The following TBR1 variants were observed in gnomAD, a reference collection of about 807,000 sequenced individuals.
TBR1 encodes T-box brain transcription factor 1.
A neutral mutation model predicts 60.3 loss-of-function variants in TBR1; 7 were observed. The observed-to-expected ratio is 0.12, with a 90% CI of 0.07 to 0.22. The LOEUF is 0.22. Ranked by LOEUF, TBR1 falls within the 10% of genes least tolerant of loss-of-function variation. The probability of loss-of-function intolerance (pLI) is 1.00; values close to 1 mark genes in which losing one functional copy is unlikely to be tolerated. For missense variants in TBR1, 616 were observed against 936.8 expected (o/e 0.66, Z 4.47); for synonymous variants, 417 against 409.9 (o/e 1.02, Z -0.21).
chr2:161,418,023 C>G (rs1008279218), intron 2 of TBR1, 178 bp from the exon 3 acceptor site: 1 of 1,453,146 alleles, frequency 6.9e-7, no homozygotes, highest in East Asian at 2.5e-5. Flanking sequence ...TTAATCACCC[C>G]CAGTTAATAG....
At position 161,423,725 on chromosome 2, in the gene TBR1, A is replaced by C. The variant is rs1253775574; in HGVS notation, c.1547A>C (p.Tyr516Ser). 1 of 1,523,384 alleles carries C rather than the reference A, an allele frequency of 6.6e-7. No homozygotes were observed. 94.4% of individuals were successfully genotyped at this position (1,523,384 alleles called of 1,614,324 possible). Residue 516 changes from tyrosine to serine, a missense_variant, in exon 6 of 6, where the codon TAC becomes TCC. By Grantham distance (144) the Tyr-to-Ser change is moderately radical (BLOSUM62 -2). Around this residue, in one of 8 missense-constraint regions of TBR1, gnomAD observed 210 missense variants for 297.4 expected, o/e 0.71. Transcript: ENST00000389554. ...FAGNAATLLS[Y>S]AAAGVKALPL... ...GGCAACGCGGCCACGCTGCTCTCTT[A>C]CGCGGCGGCGGGCGTGAAGGCGCTG...
chr2:161,424,321 C>G lies in TBR1; in HGVS notation c.*94C>G. The G allele has an allele frequency of 7.5e-7, 1 of 1,324,766 alleles. No individual in the cohort carries two copies. Among genetic ancestry groups the G allele is most frequent in the Non-Finnish European group, 1.0e-6 (1 of 979,440 alleles). 82.1% of individuals were successfully genotyped at this position (1,324,766 alleles called of 1,614,324 possible). A position where few individuals can be genotyped will look rare whatever the true frequency, so the allele number is the denominator to read the frequency against. Reference sequence around the variant, plus strand: ...CTCCGCCTCCCCACACTCCTCCTTGCGCACCCACTCATTTTATTTGACCCT... The same window carrying G: ...CTCCGCCTCCCCACACTCCTCCTTGGGCACCCACTCATTTTATTTGACCCT... On this transcript the variant is annotated 3_prime_UTR_variant, in exon 6 of 6. Coordinates refer to ENST00000389554, the MANE Select transcript of TBR1 (RefSeq NM_006593.4). This position sits in a 1 kb window ranked among gnomAD's most constrained non-coding sequence, Gnocchi z 4.4.
At chr2:161,423,182 T>G in intron 5 of TBR1, 187 bp from the exon 6 acceptor site, 2 of 447,860 alleles carry the variant, frequency 4.5e-6, no homozygotes, top group Non-Finnish European at 7.7e-6. Context: ...TTCCGTGATT[T>G]ATTTTGGGAA....
chr2:161,418,338 G>A lies in TBR1; in HGVS notation c.969+16G>A, dbSNP rs1290350035. On this transcript the variant is annotated intron_variant, in intron 3 of 5. Coordinates refer to ENST00000389554, the MANE Select transcript of TBR1 (RefSeq NM_006593.4). ...CAATGGGCAGGTCAGTGGCTCAAGCGCTCGTGTTTTCTCTCTCTCTCACCC... is the reference window on the plus strand; with the variant it reads ...CAATGGGCAGGTCAGTGGCTCAAGCACTCGTGTTTTCTCTCTCTCTCACCC... 3 of 1,609,476 alleles carry A rather than the reference G, an allele frequency of 1.9e-6. No individual in the cohort carries two copies. The highest frequency in any genetic ancestry group is 1.3e-5 in the African/African-American group (1 of 74,736).
In TBR1 at chr2:161,424,449, T is replaced by C. The variant is rs1269741947; in HGVS notation, c.*222T>C. On this transcript the variant is annotated 3_prime_UTR_variant, in exon 6 of 6. Transcript: ENST00000389554. The surrounding 1 kb of genome is among the most constrained non-coding windows in gnomAD (Gnocchi z 4.4). ...AGCTCACCGACCTTCAACTTTGCTG[T>C]AAACCTTTTGGTTTTCCTACTTACT... The C allele has an allele frequency of 9.0e-6, 5 of 556,900 alleles. No homozygotes were observed. Among genetic ancestry groups the C allele is most frequent in the Non-Finnish European group, 1.6e-5 (5 of 319,078 alleles). The allele number at this position is 556,900 out of a possible 1,614,324, so 34.5% of individuals were successfully genotyped here.
At position 161,418,299 on chromosome 2, in the gene TBR1, G is replaced by T. The variant is rs1553510402; in HGVS notation, c.946G>T (p.Gly316Ter). The T allele has an allele frequency of 6.2e-7, 1 of 1,614,062 alleles. No homozygotes were observed. The highest frequency in any genetic ancestry group is 8.5e-7 in the Non-Finnish European group (1 of 1,179,984). Residue 316 changes from glycine (G) to a stop codon, truncating the protein, a stop_gained, in exon 3 of 6, where the codon GGA (glycine) becomes TGA (stop). Coordinates refer to ENST00000389554, the MANE Select transcript of TBR1 (RefSeq NM_006593.4). LOFTEE classifies it high-confidence loss of function. ...AAAATTAAAACTTACGAACAACAAA[G>T]GAGCTTCAAATAACAATGGGCAGGT... ...FGKLKLTNNK[G>*]ASNNNGQMVV...
In TBR1 at chr2:161,423,643, G is replaced by A. The variant is rs866077609; in HGVS notation, c.1465G>A (p.Ala489Thr). ...PSPQRWFVTPANNRLDFAASA... is the reference protein window; with the variant it reads ...PSPQRWFVTPTNNRLDFAASA... ...GCCGCAACGCTGGTTTGTGACGCCG[G>A]CCAACAACCGGCTGGACTTCGCGGC... Residue 489 changes from alanine to threonine, a missense_variant, in exon 6 of 6, where the codon GCC becomes ACC. Ala to Thr is a moderately conservative substitution (Grantham distance 58). This residue lies in a region of TBR1 where 210 missense variants were observed against 297.4 expected (regional missense o/e 0.71). Transcript: ENST00000389554. 6.5e-7 allele frequency: 1 copy of A among 1,540,202 alleles called. No homozygotes were observed. Among genetic ancestry groups the A allele is most frequent in the African/African-American group, 1.4e-5 (1 of 70,790 alleles).
rs140860352 is a variant in TBR1, at chr2:161,416,617, T to C, written c.207T>C (p.Pro69=). The part of the protein sequence containing the change: ...MTNQSDTDNF[P]DSKDSPGDVQ... ...ATCAGTCAGATACAGACAATTTTCC[T>C]GACTCCAAGGACTCACCAGGGGACG... Residue 69 remains proline (P), a synonymous_variant, in exon 1 of 6, where the codon CCT becomes CCC. Coordinates refer to ENST00000389554, the MANE Select transcript of TBR1 (RefSeq NM_006593.4). The surrounding 1 kb of genome is among the most constrained non-coding windows in gnomAD (Gnocchi z 6.1). 9 of 1,614,216 alleles carry C rather than the reference T, an allele frequency of 5.6e-6. No individual in the cohort carries two copies. Among genetic ancestry groups the C allele is most frequent in the Admixed American group, 1.7e-5 (1 of 60,024 alleles).
intron 5 of TBR1, 109 bp downstream of exon 5, chr2:161,420,366 G>GTTGTT (rs1684208719): frequency 1.6e-6 from 1 of 643,784 alleles, no homozygotes; most frequent in Non-Finnish European, 2.4e-6. Flanking sequence ...TGAAGACAAG[G>GTTGTT]TTGTTTTAGA....
chr2:161,418,012 T>A, intron 2 of TBR1, 182 bp downstream of exon 2: 1 of 1,452,112 alleles, frequency 6.9e-7, no homozygotes, highest in Non-Finnish European at 9.1e-7. Context: ...CAAAAGCTAT[T>A]TTAATCACCC....
Position 161,416,791 on chromosome 2 carries a change from C to T in TBR1, c.381C>T (p.Pro127=), listed in dbSNP as rs770390987. The T allele has an allele frequency of 1.9e-6, 3 of 1,614,030 alleles. No individual in the cohort carries two copies. The highest frequency in any genetic ancestry group is 1.7e-5 in the Admixed American group (1 of 60,010). ...ATAPSAMFPY[P]GQHGPAHPAF... ...CTCCCAGTGCCATGTTCCCGTACCC[C>T]GGCCAGCACGGACCGGCGCACCCCG... The change falls in exon 1 of 6, where the codon CCC becomes CCT. Residue 127 remains proline, a synonymous_variant. Coordinates refer to ENST00000389554, the MANE Select transcript of TBR1 (RefSeq NM_006593.4). This position sits in a 1 kb window ranked among gnomAD's most constrained non-coding sequence, Gnocchi z 6.1.
chr2:161,417,579 T>G lies in TBR1; in HGVS notation c.693-97T>G. The G allele has an allele frequency of 6.9e-7, 1 of 1,454,002 alleles. No homozygotes were observed. The highest frequency in any genetic ancestry group is 9.3e-7 in the Non-Finnish European group (1 of 1,075,112). The allele number at this position is 1,454,002 out of a possible 1,614,324, so 90.1% of individuals were successfully genotyped here. ...CGCCTATTTGCTGCAAGTACAAGTT[T>G]TGCTTTGCTAACTGGCGCCCCGCTT... On this transcript the variant is annotated intron_variant, in intron 1 of 5. Transcript: ENST00000389554. The surrounding 1 kb of genome is among the most constrained non-coding windows in gnomAD (Gnocchi z 5.3).
rs575698036 is a variant in TBR1 at position 161,417,553 on chromosome 2, T to C, written c.693-123T>C. On this transcript the variant is annotated intron_variant, in intron 1 of 5. Coordinates refer to ENST00000389554, the MANE Select transcript of TBR1 (RefSeq NM_006593.4). This position sits in a 1 kb window ranked among gnomAD's most constrained non-coding sequence, Gnocchi z 5.3. ...ACCCTTTTTCTAATCCAGCAAATATTCGCCTATTTGCTGCAAGTACAAGTT... is the reference window on the plus strand; with the variant it reads ...ACCCTTTTTCTAATCCAGCAAATATCCGCCTATTTGCTGCAAGTACAAGTT... The C allele has an allele frequency of 8.2e-7, 1 of 1,217,456 alleles. No individual in the cohort carries two copies. The highest frequency in any genetic ancestry group is 2.3e-5 in the East Asian group (1 of 42,658). 75.4% of individuals were successfully genotyped at this position (1,217,456 alleles called of 1,614,324 possible).
intron 5 of TBR1, 161 bp downstream of exon 5, chr2:161,420,418 C>CTTTTTTTTTTTTTTTTTTTTTTTTTT (rs67826360): frequency 1.1e-5 from 1 of 93,960 alleles, no homozygotes; most frequent in Non-Finnish European, 2.1e-5. Context: ...TCTTCCTCTT[C>CTTTTTTTTTTTTTTTTTTTTTTTTTT]TTTTTTTTTT....
rs1684144446 is a variant in TBR1, at chr2:161,417,601, G to A, written c.693-75G>A. The A allele has an allele frequency of 6.5e-7, 1 of 1,530,948 alleles. No individual in the cohort carries two copies. Among genetic ancestry groups the A allele is most frequent in the Non-Finnish European group, 8.8e-7 (1 of 1,137,588 alleles). The allele number at this position is 1,530,948 out of a possible 1,614,324, so 94.8% of individuals were successfully genotyped here. A position where few individuals can be genotyped will look rare whatever the true frequency, so the allele number is the denominator to read the frequency against. Reference sequence around the variant, plus strand: ...GTTTTGCTTTGCTAACTGGCGCCCCGCTTCTTGCATTTAATCTTTAACATT... The same window carrying A: ...GTTTTGCTTTGCTAACTGGCGCCCCACTTCTTGCATTTAATCTTTAACATT... On this transcript the variant is annotated intron_variant, in intron 1 of 5. Coordinates refer to ENST00000389554, the MANE Select transcript of TBR1 (RefSeq NM_006593.4). This position sits in a 1 kb window ranked among gnomAD's most constrained non-coding sequence, Gnocchi z 5.3.
At chr2:161,418,344 G>A (rs906876677) in intron 3 of TBR1, 22 bp downstream of exon 3, 2 of 1,608,640 alleles carry the variant, frequency 1.2e-6, no homozygotes, top group Admixed American at 1.7e-5. Context: ...AAGCGCTCGT[G>A]TTTTCTCTCT....
chr2:161,419,095 T>A, intron 4 of TBR1, 45 bp downstream of exon 4: 3 of 1,612,364 alleles, frequency 1.9e-6, no homozygotes, highest in Non-Finnish European at 2.5e-6. Flanking sequence ...GGCACAGACA[T>A]CTCTCCCACC....
chr2:161,418,361 C>T (rs758947790), intron 3 of TBR1, 39 bp downstream of exon 3: 3 of 1,597,330 alleles, frequency 1.9e-6, no homozygotes, highest in South Asian at 1.1e-5. Context: ...CTCTCTCTCA[C>T]CCCTTCCTCC....
At position 161,425,616 on chromosome 2, in the gene TBR1, A is replaced by G. The variant is rs986663109; in HGVS notation, c.*1389A>G. 8 of 152,222 alleles carry G rather than the reference A, an allele frequency of 5.3e-5. No individual in the cohort carries two copies. The highest frequency in any genetic ancestry group is 1.7e-4 in the African/African-American group (7 of 41,446). 9.4% of individuals were successfully genotyped at this position (152,222 alleles called of 1,614,324 possible). On this transcript the variant is annotated 3_prime_UTR_variant, in exon 6 of 6. Transcript: ENST00000389554. Reference sequence around the variant, plus strand: ...TTTTTTGTATTTAAAAATTAATGTGAAATATGCATCATACACAATATTCAA... The same window carrying G: ...TTTTTTGTATTTAAAAATTAATGTGGAATATGCATCATACACAATATTCAA...
Sources: gnomAD v4.1 joint callset for allele counts on GRCh38, gnomAD v4.1.1 for gene constraint, gnomAD v4.1.1 regional missense constraint, Gnocchi (gnomAD v3.1) non-coding constraint, MANE v1.5 for transcripts, NCBI Gene and HGNC (gene_info 2026-07-23, HGNC 2026-07-21) for gene names.